Variants in RALA observed in about 807,000 individuals in gnomAD.
RALA encodes RAS like proto-oncogene A, also known as ras-related protein Ral-A.
In RALA, 5 loss-of-function variants were observed where a neutral mutation model predicts 24.0. That is an observed-to-expected ratio of 0.21 (90% CI 0.11 to 0.44). RALA has a LOEUF of 0.44. RALA is among the 20% of genes least tolerant of loss of function. The pLI is 0.99. For missense variants in RALA, 95 were observed against 241.2 expected, an observed-to-expected ratio of 0.39 and a Z score of 4.01; for synonymous variants, 77 against 83.8, an observed-to-expected ratio of 0.92 and a Z score of 0.44.
At chr7:39,640,049 T>C (rs1791757192) in intron 1 of RALA, among the ~76,000 whole-genome samples, 1 of 151,014 alleles carries the variant, frequency 6.6e-6, no homozygotes, top group Non-Finnish European at 1.5e-5. Context: ...TATCTGGTTT[T>C]TGTTTTGTTT....
At chr7:39,651,810 T>C (rs1303046903) in intron 1 of RALA, among the ~76,000 whole-genome samples, 1 of 152,242 alleles carries the variant, frequency 6.6e-6, no homozygotes, top group Admixed American at 6.5e-5. Flanking sequence ...TGAACGTTTT[T>C]CAGTGTTATT....
intron 1 of RALA, among the ~76,000 whole-genome samples, chr7:39,641,247 G>A (rs1791811032): frequency 6.6e-6 from 1 of 151,840 alleles, no homozygotes; most frequent in Non-Finnish European, 1.5e-5. Flanking sequence ...ATGAATAGAA[G>A]GTTAATACCT....
intron 1 of RALA, among the ~76,000 whole-genome samples, chr7:39,626,707 G>A (rs556623211): frequency 7.2e-5 from 11 of 152,166 alleles, no homozygotes; most frequent in Non-Finnish European, 1.6e-4. Context: ...TTTGATTAGT[G>A]CTTTTTAAAG....
chr7:39,694,103 A>G (rs1313165966), intron 3 of RALA, among the ~76,000 whole-genome samples: 1 of 152,238 alleles, frequency 6.6e-6, no homozygotes, highest in Non-Finnish European at 1.5e-5. Context: ...TTTCTCAAAC[A>G]ACACTGTGAG....
intron 1 of RALA, among the ~76,000 whole-genome samples, chr7:39,673,468 A>G (rs1463461947): frequency 6.6e-6 from 1 of 152,202 alleles, no homozygotes; most frequent in Non-Finnish European, 1.5e-5. Context: ...CTTCATGTAT[A>G]TCTTACACAG....
At position 39,707,063 on chromosome 7, in the gene RALA, C is replaced by A. The variant is rs567438331; in HGVS notation, c.*818C>A. On this transcript the variant is annotated 3_prime_UTR_variant, in exon 5 of 5. Transcript: ENST00000005257. ...AAATAAGATTCCAGAGCTCTTTGAT[C>A]GCTTTTAATAAACTGCAAGTTCATT... 1 of 152,560 alleles carries A rather than the reference C, an allele frequency of 6.6e-6. No homozygotes were observed. The highest frequency in any genetic ancestry group is 6.5e-5 in the Admixed American group (1 of 15,274). 9.5% of individuals were successfully genotyped at this position (152,560 alleles called of 1,614,324 possible). A position where few individuals can be genotyped will look rare whatever the true frequency, so the allele number is the denominator to read the frequency against.
At chr7:39,673,163 G>T (rs974186467) in intron 1 of RALA, among the ~76,000 whole-genome samples, 2 of 152,032 alleles carry the variant, frequency 1.3e-5, no homozygotes. Context: ...TCTCCAGCCT[G>T]GGCGACAGAG....
In RALA at chr7:39,665,598, G is replaced by A. The variant is rs769882725; in HGVS notation, c.-37-21033G>A. ...TTGTGTGCTGAGAGGTAAATTTCAG[G>A]TGTTGGTATTTTATGGAATTTCTCT... On this transcript the variant is annotated intron_variant, in intron 1 of 4. Transcript: ENST00000005257. 1.5e-4 allele frequency among the ~76,000 whole-genome samples: 22 copies of A among 151,376 alleles called. 1 individual carries two copies. The highest frequency in any genetic ancestry group is 1.0e-3 in the South Asian group (5 of 4,802).
rs1793130011 is a variant in RALA, at chr7:39,706,940, T to C, written c.*695T>C. ...CCCCATGTGTCCTGGTGAGAAAATA[T>C]ATGCCTGGCACAGCTTTTGTATAGA... is the stretch of plus-strand genomic sequence containing the variant. On this transcript the variant is annotated 3_prime_UTR_variant, in exon 5 of 5. Coordinates refer to ENST00000005257, the MANE Select transcript of RALA (RefSeq NM_005402.4). 6.6e-6 allele frequency: 1 copy of C among 152,646 alleles called. No individual in the cohort carries two copies. The highest frequency in any genetic ancestry group is 2.1e-4 in the South Asian group (1 of 4,830). The allele number at this position is 152,646 out of a possible 1,614,324, so 9.5% of individuals were successfully genotyped here.
intron 1 of RALA, among the ~76,000 whole-genome samples, chr7:39,661,139 A>G (rs1792181630): frequency 6.6e-6 from 1 of 152,198 alleles, no homozygotes; most frequent in African/African-American, 2.4e-5. Context: ...AAAGAATAGT[A>G]TGGGGGAAAC....
At position 39,690,405 on chromosome 7, in the gene RALA, C is replaced by G. The variant is rs2116081899; in HGVS notation, c.138C>G (p.Thr46=). Reference sequence around the variant, plus strand: ...AGTTTGTGGAGGACTATGAGCCTACCAAAGCAGACAGCTATCGGAAGAAGG... The same window carrying G: ...AGTTTGTGGAGGACTATGAGCCTACGAAAGCAGACAGCTATCGGAAGAAGG... ...YDEFVEDYEP[T]KADSYRKKVV... Residue 46 remains threonine, a synonymous_variant, in exon 3 of 5, where the codon ACC becomes ACG. Transcript: ENST00000005257. The G allele has an allele frequency of 1.2e-6, 2 of 1,613,720 alleles. No homozygotes were observed. The highest frequency in any genetic ancestry group is 8.5e-7 in the Non-Finnish European group (1 of 1,179,792).
At chr7:39,679,566 A>G (rs532653491) in intron 1 of RALA, among the ~76,000 whole-genome samples, 24 of 152,250 alleles carry the variant, frequency 1.6e-4, no homozygotes, top group African/African-American at 5.8e-4. Flanking sequence ...TTTTTTATTT[A>G]TAGTAACTAT....
chr7:39,638,994 T>A (rs1791733779), intron 1 of RALA, among the ~76,000 whole-genome samples: 1 of 152,220 alleles, frequency 6.6e-6, no homozygotes, highest in Admixed American at 6.5e-5. Flanking sequence ...CCAGCAGTGT[T>A]TGAGGGCTTC....
At chr7:39,685,454 A>C (rs1046037228) in intron 1 of RALA, among the ~76,000 whole-genome samples, 6 of 152,194 alleles carry the variant, frequency 3.9e-5, no homozygotes, top group Non-Finnish European at 8.8e-5. Flanking sequence ...GTTGCTGAGG[A>C]CAAGGGGTGC....
rs1562603340 is a variant in RALA, at chr7:39,623,791, G to A, written c.-72G>A. On this transcript the variant is annotated 5_prime_UTR_variant, in exon 1 of 5. Transcript: ENST00000005257. This position sits in a 1 kb window ranked among gnomAD's most constrained non-coding sequence, Gnocchi z 4.9. ...CGGAGCCACGCAGCCGCGGCTTCCG[G>A]AGCCCTCGGGGCGGCGGACTGGCTC... 2 of 152,150 alleles carry A rather than the reference G, an allele frequency of 1.3e-5. No individual in the cohort carries two copies. The highest frequency in any genetic ancestry group is 2.4e-5 in the African/African-American group (1 of 41,412). The allele number at this position is 152,150 out of a possible 1,614,324, so 9.4% of individuals were successfully genotyped here.
intron 1 of RALA, among the ~76,000 whole-genome samples, chr7:39,645,097 A>C (rs927325857): frequency 1.3e-5 from 2 of 152,206 alleles, no homozygotes; most frequent in Non-Finnish European, 2.9e-5. Context: ...AAAAGTGTGA[A>C]GTGTCCTTTG....
At position 39,627,076 on chromosome 7, in the gene RALA, T is replaced by TC. The variant is rs1307679589; in HGVS notation, c.-38+3252dup. 2.1e-5 allele frequency among the ~76,000 whole-genome samples: 3 copies of TC among 142,902 alleles called. No homozygotes were observed. The East Asian group carries it at 5.8e-4, about 28-fold the overall frequency. The allele number at this position is 142,902 out of a possible 152,430, so 93.7% of individuals were successfully genotyped here. A position where few individuals can be genotyped will look rare whatever the true frequency, so the allele number is the denominator to read the frequency against. ...GAATGTGTCCATCTCTCTCTCTCTC[T>TC]CTTTTTTTTTTTTAAAAGATGTACC... On this transcript the variant is annotated intron_variant, in intron 1 of 4. Transcript: ENST00000005257.
rs1252735216 is a variant in RALA at position 39,695,618 on chromosome 7, G to C, written c.324-1067G>C. 2.0e-5 allele frequency among the ~76,000 whole-genome samples: 3 copies of C among 151,886 alleles called. No homozygotes were observed. In the East Asian group the frequency reaches 5.8e-4, roughly 29 times the overall value. ...GGGGTCTCACTGTGTTGCCTGGGCTGGTATTGAACTCCTAGCCTCAAGCAA... is the reference window on the plus strand; with the variant it reads ...GGGGTCTCACTGTGTTGCCTGGGCTCGTATTGAACTCCTAGCCTCAAGCAA... On this transcript the variant is annotated intron_variant, in intron 3 of 4. Transcript: ENST00000005257.
chr7:39,667,704 C>A (rs867861832), intron 1 of RALA, among the ~76,000 whole-genome samples: 2 of 152,244 alleles, frequency 1.3e-5, no homozygotes, highest in African/African-American at 4.8e-5. Context: ...ATTGCAGCAA[C>A]ATCTGTTCCA....
Sources: gnomAD v4.1 joint callset for allele counts (sites outside exome capture counted in the v4.1 genomes callset) on GRCh38, gnomAD v4.1.1 for gene constraint, Gnocchi (gnomAD v3.1) non-coding constraint, MANE v1.5 for transcripts, NCBI Gene and HGNC (gene_info 2026-07-23, HGNC 2026-07-21) for gene names.